The following TMIGD3 variants were observed in gnomAD, a reference collection of about 807,000 sequenced individuals.
TMIGD3 encodes the protein AD026 protein (AD026).
In TMIGD3, 21 loss-of-function variants were observed where a neutral mutation model predicts 28.1. The observed-to-expected ratio is 0.75, with a 90% confidence interval of 0.53 to 1.08. TMIGD3 has a LOEUF of 1.08. Among genes scored for constraint, TMIGD3 ranks in the 50% least tolerant of loss-of-function variants. The pLI, the probability that TMIGD3 is intolerant of heterozygous loss-of-function variation, is 0.00. For synonymous variants in TMIGD3, 151 were observed against 162.1 expected, an observed-to-expected ratio of 0.93 and a Z score of 0.52; for missense variants, 416 against 435.6, an observed-to-expected ratio of 0.96 and a Z score of 0.40.
chr1:111,535,179 C>T (rs1334833962), intron 1 of TMIGD3, among the ~76,000 whole-genome samples: 4 of 152,212 alleles, frequency 2.6e-5, no homozygotes, highest in Non-Finnish European at 1.5e-5. Context: ...CTCAACAGTG[C>T]CTGACACTGA....
Position 111,489,144 on chromosome 1 carries a change from C to A in TMIGD3, c.458-120G>T, listed in dbSNP as rs189711971. 756 of 1,015,584 alleles carry A rather than the reference C, an allele frequency of 7.4e-4. 5 individuals are homozygous for A. The highest frequency in any genetic ancestry group is 6.8e-5 in the Non-Finnish European group (48 of 703,428). The allele number at this position is 1,015,584 out of a possible 1,614,324, so 62.9% of individuals were successfully genotyped here. A position where few individuals can be genotyped will look rare whatever the true frequency, so the allele number is the denominator to read the frequency against. The stretch of plus-strand genomic sequence containing the variant: ...TTAAAGAATCGGAGGCTGATTTTTG[C>A]CTCTTTTTGATTGGCAACTATTATG... On this transcript the variant is annotated intron_variant, in intron 2 of 5. Transcript: ENST00000369716.
intron 1 of TMIGD3, among the ~76,000 whole-genome samples, chr1:111,549,035 G>T (rs942212841): frequency 2.0e-5 from 3 of 152,132 alleles, no homozygotes; most frequent in East Asian, 1.9e-4. Context: ...AACTTTTGAA[G>T]ATCCCTCAGA....
chr1:111,519,451 T>C (rs770719050), intron 1 of TMIGD3, among the ~76,000 whole-genome samples: 7 of 152,208 alleles, frequency 4.6e-5, no homozygotes, highest in Non-Finnish European at 1.0e-4. Flanking sequence ...CTGAGTTTCA[T>C]TTCCTTTTGG....
At chr1:111,493,017 A>G (rs943033874) in intron 1 of TMIGD3, among the ~76,000 whole-genome samples, 3 of 152,214 alleles carry the variant, frequency 2.0e-5, no homozygotes, top group African/African-American at 7.2e-5. Flanking sequence ...TCTTTTAGAA[A>G]TAGAAAATGA....
At chr1:111,530,169 G>T (rs1215095733) in intron 1 of TMIGD3, among the ~76,000 whole-genome samples, 1 of 151,930 alleles carries the variant, frequency 6.6e-6, no homozygotes. Context: ...TATTATTTTT[G>T]TAACAAAAGG....
At chr1:111,485,420 C>T (rs1450984613) in intron 5 of TMIGD3, 7 of 270,980 alleles carry the variant, frequency 2.6e-5, no homozygotes, top group East Asian at 2.3e-4. Context: ...CTCATTCCTT[C>T]GACAGGAGCC....
intron 1 of TMIGD3, among the ~76,000 whole-genome samples, chr1:111,524,023 C>CTTT (rs1656170860): frequency 8.3e-6 from 1 of 120,384 alleles, no homozygotes; most frequent in Non-Finnish European, 1.7e-5. Context: ...TTCTTTCTTT[C>CTTT]TTTTCTTTTT....
chr1:111,559,076 A>T (rs74112338), intron 1 of TMIGD3, among the ~76,000 whole-genome samples: 7,600 of 152,216 alleles, frequency 0.05, 390 homozygotes, highest in East Asian at 0.18. Context: ...GATAATTTTT[A>T]AAAAACATGT....
intron 1 of TMIGD3, among the ~76,000 whole-genome samples, chr1:111,547,287 G>A (rs965610550): frequency 6.6e-6 from 1 of 151,814 alleles, no homozygotes; most frequent in African/African-American, 2.4e-5. Flanking sequence ...GGTCTGGTGT[G>A]TTTTTAAATC....
intron 1 of TMIGD3, among the ~76,000 whole-genome samples, chr1:111,492,813 C>CA (rs34093957): frequency 1.4e-3 from 148 of 103,192 alleles, no homozygotes; most frequent in East Asian, 7.2e-3. Context: ...GATGCTGTCT[C>CA]AAAAAAAAAA....
chr1:111,553,605 T>C (rs1657362487), intron 1 of TMIGD3, among the ~76,000 whole-genome samples: 1 of 152,240 alleles, frequency 6.6e-6, no homozygotes, highest in African/African-American at 2.4e-5. Context: ...TAAATTTCTT[T>C]ATCTGGCTTT....
intron 1 of TMIGD3, among the ~76,000 whole-genome samples, chr1:111,551,166 G>A (rs998578421): frequency 2.0e-5 from 3 of 151,914 alleles, no homozygotes; most frequent in African/African-American, 7.3e-5. Flanking sequence ...GCATATAGTT[G>A]GATCATGTTT....
intron 1 of TMIGD3, among the ~76,000 whole-genome samples, chr1:111,522,508 T>C (rs374482123): frequency 6.6e-6 from 1 of 151,748 alleles, no homozygotes; most frequent in African/African-American, 2.4e-5. Context: ...CTCTTAAGTA[T>C]TGTTTGTTGC....
chr1:111,492,391 TTA>T (rs1654705634), intron 1 of TMIGD3, among the ~76,000 whole-genome samples: 1 of 152,226 alleles, frequency 6.6e-6, no homozygotes, highest in African/African-American at 2.4e-5. Flanking sequence ...GAGGCAGTCC[TTA>T]TCTCTGACAA....
chr1:111,545,607 C>T (rs1657007191), intron 1 of TMIGD3, among the ~76,000 whole-genome samples: 1 of 152,092 alleles, frequency 6.6e-6, no homozygotes. Context: ...CCCTTTGGTG[C>T]ACTAAAGTTT....
intron 1 of TMIGD3, among the ~76,000 whole-genome samples, chr1:111,538,355 C>G (rs1656710646): frequency 6.6e-6 from 1 of 152,186 alleles, no homozygotes; most frequent in South Asian, 2.1e-4. Flanking sequence ...CATGTGTATA[C>G]AGAAATGGCG....
At chr1:111,559,902 G>A (rs1657659519) in intron 1 of TMIGD3, among the ~76,000 whole-genome samples, 1 of 152,118 alleles carries the variant, frequency 6.6e-6, no homozygotes, top group Admixed American at 6.5e-5. Context: ...TGTATGCCTT[G>A]TATTTCTGCA....
rs1447200401 is a variant in TMIGD3, at chr1:111,489,004, T to G, written c.478A>C (p.Lys160Gln). 6.2e-6 allele frequency: 10 copies of G among 1,611,888 alleles called. 1 individual carries two copies. The South Asian group carries it at 9.9e-5, about 16-fold the overall frequency. ...TCCAGCACAAAGCTTCTCTTGACCTTTTCATCCATGACCATGGCATCTGTG... is the reference window on the plus strand; with the variant it reads ...TCCAGCACAAAGCTTCTCTTGACCTGTTCATCCATGACCATGGCATCTGTG... Reference protein sequence around the residue: ...LISDAMVMDEKVKRSFVLDTA... With the variant: ...LISDAMVMDEQVKRSFVLDTA... Residue 160 changes from lysine (K) to glutamine (Q), a missense_variant, in exon 3 of 6, where the codon AAG becomes CAG. Physicochemically the swap from Lys to Gln is moderately conservative, Grantham distance 53. Transcript: ENST00000369716.
At position 111,531,716 on chromosome 1, in the gene TMIGD3, ATTAT is replaced by A. The variant is rs545121017; in HGVS notation, c.107+32126_107+32129del. On this transcript the variant is annotated intron_variant, in intron 1 of 5. Transcript: ENST00000369717. ...GTATCCCTGTAAATTTATTTTTAAAATTATTTATTTATTTATTTTTTAAGAGACA... is the reference window on the plus strand; with the variant it reads ...GTATCCCTGTAAATTTATTTTTAAAATTATTTATTTATTTTTTAAGAGACA... Among the ~76,000 whole-genome samples the A allele has an allele frequency of 4.4e-4, 67 of 152,018 alleles. 1 individual carries two copies. Among genetic ancestry groups the A allele is most frequent in the Non-Finnish European group, 4.4e-5 (3 of 67,962 alleles).
Sources: allele counts gnomAD v4.1 joint callset (sites outside exome capture counted in the v4.1 genomes callset), GRCh38; gene constraint gnomAD v4.1.1; transcripts MANE v1.5; gene names NCBI Gene and HGNC (gene_info 2026-07-23, HGNC 2026-07-21).